ARMC8: variants seen among roughly 807,000 people sequenced by gnomAD.
ARMC8 encodes the protein armadillo repeat-containing protein 8.
In ARMC8, 20 loss-of-function variants were observed where a neutral mutation model predicts 99.3. The observed-to-expected ratio is 0.20, with a 90% CI of 0.14 to 0.29. ARMC8 has a LOEUF of 0.29. Ranked by LOEUF, ARMC8 falls within the 10% of genes least tolerant of loss-of-function variation. ARMC8 has a pLI of 1.00. For synonymous variants in ARMC8, 263 were observed against 278.3 expected, an observed-to-expected ratio of 0.95 and a Z score of 0.55; for missense variants, 569 against 809.5, an observed-to-expected ratio of 0.70 and a Z score of 3.60.
chr3:138,287,739 C>T, intron 19 of ARMC8: 1 of 456,292 alleles, frequency 2.2e-6, no homozygotes, highest in East Asian at 6.9e-5. Flanking sequence ...TTTGTCTCTG[C>T]TTAGTTGAAA....
Position 138,209,814 on chromosome 3 carries a change from T to C in ARMC8, c.46-3T>C, listed in dbSNP as rs773974549. 1.1e-5 allele frequency: 17 copies of C among 1,613,240 alleles called. No individual in the cohort carries two copies. In the African/African-American group the frequency reaches 1.7e-4, roughly 16 times the overall value. On this transcript the variant is annotated splice_polypyrimidine_tract_variant and splice_region_variant and intron_variant, in intron 1 of 21. Transcript: ENST00000469044. The stretch of plus-strand genomic sequence containing the variant: ...TGTCATAATTTTTCCCCCCACTTTC[T>C]AGGAAGTAACAGCTAGCAGTCGCCA...
chr3:138,201,436 C>CTTTTTTTTT lies in ARMC8; in HGVS notation c.46-8348_46-8340dup, dbSNP rs58707271. On this transcript the variant is annotated intron_variant, in intron 1 of 21. Coordinates refer to ENST00000469044, the MANE Select transcript of ARMC8 (RefSeq NM_001363941.2). Reference sequence around the variant, plus strand: ...TAGAGTCCTTGTCTTCTTCCCCTCCCTTTTTTTTTTTTTTTTTTTTTTTTT... The same window carrying CTTTTTTTTT: ...TAGAGTCCTTGTCTTCTTCCCCTCCCTTTTTTTTTTTTTTTTTTTTTTTTTTTTTTTTTT... 7.4e-4 allele frequency among the ~76,000 whole-genome samples: 48 copies of CTTTTTTTTT among 64,994 alleles called. 17 individuals are homozygous for CTTTTTTTTT. The highest frequency in any genetic ancestry group is 1.2e-3 in the Non-Finnish European group (36 of 29,394). The allele number at this position is 64,994 out of a possible 152,430, so 42.6% of individuals were successfully genotyped here. A position where few individuals can be genotyped will look rare whatever the true frequency, so the allele number is the denominator to read the frequency against.
chr3:138,221,725 C>T (rs1290735069), intron 2 of ARMC8, among the ~76,000 whole-genome samples: 20 of 152,164 alleles, frequency 1.3e-4, no homozygotes, highest in Admixed American at 1.3e-3. Flanking sequence ...CAGGATATCT[C>T]TCACTTTCTA....
At chr3:138,270,381 TA>T (rs757697218) in intron 16 of ARMC8, among the ~76,000 whole-genome samples, 123 of 152,318 alleles carry the variant, frequency 8.1e-4, no homozygotes, top group Non-Finnish European at 3.7e-4. Context: ...GAAACTTAGC[TA>T]ATTCTGGGAA....
chr3:138,190,802 C>T (rs1333159157), intron 1 of ARMC8, among the ~76,000 whole-genome samples: 1 of 152,132 alleles, frequency 6.6e-6, no homozygotes, highest in African/African-American at 2.4e-5. Context: ...GGAATACAGC[C>T]GTAAGCTACA....
At chr3:138,266,065 G>A (rs2048258440) in intron 14 of ARMC8, among the ~76,000 whole-genome samples, 1 of 152,182 alleles carries the variant, frequency 6.6e-6, no homozygotes, top group African/African-American at 2.4e-5. Flanking sequence ...TATCAGAACA[G>A]TATGTTTCTT....
chr3:138,257,666 C>T (rs939760726), intron 12 of ARMC8, among the ~76,000 whole-genome samples: 2 of 151,806 alleles, frequency 1.3e-5, no homozygotes, highest in African/African-American at 4.8e-5. Flanking sequence ...TGCTCATTTC[C>T]TAAAAAATAA....
chr3:138,192,530 G>T (rs2043454219), intron 1 of ARMC8, among the ~76,000 whole-genome samples: 1 of 151,890 alleles, frequency 6.6e-6, no homozygotes, highest in Non-Finnish European at 1.5e-5. Context: ...ACCCTTCTCG[G>T]CCTCCCAGAG....
chr3:138,237,415 G>T, intron 8 of ARMC8, 31 bp downstream of exon 8: 1 of 1,610,984 alleles, frequency 6.2e-7, no homozygotes, highest in Non-Finnish European at 8.5e-7. Flanking sequence ...GCACCTACAT[G>T]ATTTAATTGA....
chr3:138,278,758 T>C (rs779505520), intron 18 of ARMC8, among the ~76,000 whole-genome samples: 21 of 152,220 alleles, frequency 1.4e-4, no homozygotes, highest in Non-Finnish European at 2.6e-4. Flanking sequence ...GTTTTTGATA[T>C]ATAGGTCTTG....
At chr3:138,258,288 T>TA (rs1441321804) in intron 12 of ARMC8, among the ~76,000 whole-genome samples, 2 of 152,184 alleles carry the variant, frequency 1.3e-5, no homozygotes, top group Non-Finnish European at 2.9e-5. Context: ...AAGTCCAAGC[T>TA]AAAGTTTTTC....
At chr3:138,265,269 A>G (rs1417930138) in intron 14 of ARMC8, among the ~76,000 whole-genome samples, 1 of 152,130 alleles carries the variant, frequency 6.6e-6, no homozygotes, top group East Asian at 1.9e-4. Flanking sequence ...CCCCCCAAAA[A>G]AGGTTCAGGA....
intron 2 of ARMC8, among the ~76,000 whole-genome samples, chr3:138,220,201 C>T (rs926037858): frequency 3.9e-5 from 6 of 152,144 alleles, no homozygotes; most frequent in African/African-American, 1.4e-4. Context: ...AAACAGGCAT[C>T]CATGAGGATG....
At chr3:138,228,540 A>T (rs2108106881) in intron 5 of ARMC8, among the ~76,000 whole-genome samples, 1 of 152,306 alleles carries the variant, frequency 6.6e-6, no homozygotes, top group African/African-American at 2.4e-5. Flanking sequence ...TTATTTTTAT[A>T]CAATAATTCT....
chr3:138,248,984 T>C (rs1488737894), intron 12 of ARMC8, among the ~76,000 whole-genome samples: 6 of 152,236 alleles, frequency 3.9e-5, no homozygotes, highest in African/African-American at 1.4e-4. Context: ...TGGAGATTTC[T>C]TTCGAGGAAC....
At chr3:138,245,289 T>C in intron 12 of ARMC8, 106 bp downstream of exon 12, 4 of 1,604,094 alleles carry the variant, frequency 2.5e-6, no homozygotes, top group Non-Finnish European at 3.4e-6. Flanking sequence ...TGTTTGAATA[T>C]AATAAAGCAG....
chr3:138,193,144 T>C (rs1460541332), intron 1 of ARMC8, among the ~76,000 whole-genome samples: 3 of 151,820 alleles, frequency 2.0e-5, no homozygotes, highest in Admixed American at 6.6e-5. Context: ...AATTTTTGTA[T>C]TTTTAGTAGA....
intron 6 of ARMC8, among the ~76,000 whole-genome samples, chr3:138,229,488 A>G (rs979605533): frequency 2.0e-5 from 3 of 151,928 alleles, no homozygotes; most frequent in Non-Finnish European, 4.4e-5. Context: ...TTTATAAGAA[A>G]TAAAATTTTG....
At chr3:138,273,979 G>A (rs2049024230) in intron 17 of ARMC8, among the ~76,000 whole-genome samples, 1 of 152,128 alleles carries the variant, frequency 6.6e-6, no homozygotes, top group African/African-American at 2.4e-5. Flanking sequence ...ACCATGCCCA[G>A]CTAATTTTTT....
Sources: allele counts gnomAD v4.1 joint callset (sites outside exome capture counted in the v4.1 genomes callset), GRCh38; gene constraint gnomAD v4.1.1; transcripts MANE v1.5; gene names NCBI Gene and HGNC (gene_info 2026-07-23, HGNC 2026-07-21).